The following DISC1 variants were observed in gnomAD, a reference collection of about 807,000 sequenced individuals.
The protein encoded by DISC1 is disrupted in schizophrenia 1 protein.
A neutral mutation model predicts 84.5 loss-of-function variants in DISC1; 57 were observed. That is an observed-to-expected ratio of 0.67 (90% CI 0.55 to 0.84). DISC1 has a LOEUF of 0.84. DISC1 is among the 40% of genes least tolerant of loss of function. DISC1 has a pLI of 0.00. For missense variants in DISC1, 1,000 were observed against 1,057.8 expected (o/e 0.95, Z 0.76); for synonymous variants, 411 against 415.2 (o/e 0.99, Z 0.12).
Position 231,698,209 on chromosome 1 carries a change from A to T in DISC1, c.1047+3404A>T, listed in dbSNP as rs1446102731. On this transcript the variant is annotated intron_variant, in intron 2 of 12. Transcript: ENST00000439617. The surrounding 1 kb of genome is among the most constrained non-coding windows in gnomAD (Gnocchi z 4.9). ...AGGGGTTCACAGGAACCTACCCTGTATTTCTCTTAGGAGCAATGCTTCATT... is the reference window on the plus strand; with the variant it reads ...AGGGGTTCACAGGAACCTACCCTGTTTTTCTCTTAGGAGCAATGCTTCATT... Among the ~76,000 whole-genome samples, 1 of 152,232 alleles carries T rather than the reference A, an allele frequency of 6.6e-6. No individual in the cohort carries two copies. The highest frequency in any genetic ancestry group is 6.5e-5 in the Admixed American group (1 of 15,288).
chr1:231,697,505 T>G (rs1382743924), intron 2 of DISC1, among the ~76,000 whole-genome samples: 1 of 152,028 alleles, frequency 6.6e-6, no homozygotes, highest in Non-Finnish European at 1.5e-5. Flanking sequence ...AGTGGTGTGA[T>G]CATAACTCAC....
At chr1:231,839,160 T>G (rs1169903707) in intron 9 of DISC1, among the ~76,000 whole-genome samples, 1 of 152,038 alleles carries the variant, frequency 6.6e-6, no homozygotes, top group African/African-American at 2.4e-5. Context: ...TAGTGTTGTT[T>G]TAGGGAAGAG....
At chr1:232,027,409 C>G (rs1343254861) in intron 12 of DISC1, among the ~76,000 whole-genome samples, 1 of 152,198 alleles carries the variant, frequency 6.6e-6, no homozygotes, top group African/African-American at 2.4e-5. Context: ...ACTTAATATC[C>G]TTGGTGTCAC....
At chr1:231,704,410 C>T (rs1422438351) in intron 3 of DISC1, among the ~76,000 whole-genome samples, 1 of 152,122 alleles carries the variant, frequency 6.6e-6, no homozygotes, top group African/African-American at 2.4e-5. Context: ...TATACAACAG[C>T]ACTTCTCAGA....
chr1:231,737,314 A>G (rs1460990034), intron 3 of DISC1, among the ~76,000 whole-genome samples: 1 of 152,226 alleles, frequency 6.6e-6, no homozygotes, highest in African/African-American at 2.4e-5. Context: ...TTTTATTTCT[A>G]CTATTCAGCC....
intron 10 of DISC1, among the ~76,000 whole-genome samples, chr1:232,001,344 G>A (rs998498632): frequency 3.3e-5 from 5 of 152,052 alleles, no homozygotes; most frequent in Non-Finnish European, 7.4e-5. Context: ...CTCCCAAAGT[G>A]CTGGGATTAC....
rs183312967 is a variant in DISC1, at chr1:231,802,618, T to A, written c.1792+2408T>A. On this transcript the variant is annotated intron_variant, in intron 8 of 12. Coordinates refer to ENST00000439617, the MANE Select transcript of DISC1 (RefSeq NM_018662.3). The stretch of plus-strand genomic sequence containing the variant: ...AGAGAGTAGGAATAACAAATTAGTT[T>A]CATTTTCAAACCTGGCCAGATCTAG... Among the ~76,000 whole-genome samples, 40 of 152,312 alleles carry A rather than the reference T, an allele frequency of 2.6e-4. No homozygotes were observed. In the East Asian group the frequency reaches 7.4e-3, roughly 28 times the overall value.
At chr1:231,627,044 C>T in intron 1 of DISC1, 110 bp downstream of exon 1, 1 of 716,800 alleles carries the variant, frequency 1.4e-6, no homozygotes, top group Non-Finnish European at 2.1e-6. Flanking sequence ...CTGTTAACAA[C>T]CCCTTTCGAG....
At chr1:231,715,619 C>T (rs974765039) in intron 3 of DISC1, among the ~76,000 whole-genome samples, 2 of 152,268 alleles carry the variant, frequency 1.3e-5, no homozygotes, top group East Asian at 1.9e-4. Flanking sequence ...ACTGATTGGA[C>T]CACATTTTCT....
rs146504051 is a variant in DISC1 at position 231,664,205 on chromosome 1, C to T, written c.68-29621C>T. Among the ~76,000 whole-genome samples the T allele has an allele frequency of 5.7e-4, 87 of 152,252 alleles. 1 individual carries two copies. Among genetic ancestry groups the T allele is most frequent in the African/African-American group, 1.9e-3 (80 of 41,554 alleles). ...ATTTGCCAAAATTACCCAACTCACA[C>T]ATGAAAGAGTCAAGGTTTGAACCTA... On this transcript the variant is annotated intron_variant, in intron 1 of 12. Transcript: ENST00000439617.
chr1:231,950,206 G>C (rs1047092190), intron 9 of DISC1, among the ~76,000 whole-genome samples: 10 of 88,318 alleles, frequency 1.1e-4, no homozygotes, highest in African/African-American at 1.9e-4. Flanking sequence ...AAAAAATTCT[G>C]TGTGTGTGTG....
intron 8 of DISC1, among the ~76,000 whole-genome samples, chr1:231,811,429 G>A (rs1465529387): frequency 6.6e-6 from 1 of 152,216 alleles, no homozygotes; most frequent in Non-Finnish European, 1.5e-5. Context: ...GTGCACTTGA[G>A]CTTGCAGTTC....
intron 10 of DISC1, among the ~76,000 whole-genome samples, chr1:232,001,511 T>C (rs534803096): frequency 6.6e-6 from 1 of 152,280 alleles, no homozygotes; most frequent in South Asian, 2.1e-4. Flanking sequence ...GCAATTATTA[T>C]GCAAAATATA....
intron 3 of DISC1, among the ~76,000 whole-genome samples, chr1:231,735,426 C>A (rs780120508): frequency 1.3e-5 from 2 of 151,878 alleles, no homozygotes; most frequent in Admixed American, 1.3e-4. Context: ...AAGAGGTGGA[C>A]GTGGTGGAAA....
At chr1:231,760,534 CTG>C (rs1306924916) in intron 4 of DISC1, among the ~76,000 whole-genome samples, 1 of 152,206 alleles carries the variant, frequency 6.6e-6, no homozygotes, top group Non-Finnish European at 1.5e-5. Context: ...ATTTTTCTAA[CTG>C]TGATGATGAG....
At chr1:232,014,205 A>G (rs187753304) in intron 11 of DISC1, among the ~76,000 whole-genome samples, 9 of 152,348 alleles carry the variant, frequency 5.9e-5, no homozygotes, top group Admixed American at 6.5e-5. Flanking sequence ...CTCTTCAGCC[A>G]TAATGGGTGC....
chr1:231,691,201 C>A (rs543512161), intron 1 of DISC1, among the ~76,000 whole-genome samples: 2 of 151,976 alleles, frequency 1.3e-5, no homozygotes, highest in African/African-American at 2.4e-5. Flanking sequence ...GAGGCCTAGG[C>A]GGGGGGATCA....
chr1:231,934,329 C>T (rs2090853397), intron 9 of DISC1, among the ~76,000 whole-genome samples: 1 of 152,176 alleles, frequency 6.6e-6, no homozygotes, highest in African/African-American at 2.4e-5. Flanking sequence ...AGTCTCAGCT[C>T]CTCAGCATTG....
rs556196950 is a variant in DISC1, at chr1:231,925,083, G to A, written c.1982-33745G>A. Among the ~76,000 whole-genome samples the A allele has an allele frequency of 6.6e-5, 10 of 151,898 alleles. No individual in the cohort carries two copies. The East Asian group carries it at 1.6e-3, about 24-fold the overall frequency. ...AAGGTGATTCTGCACTTAGAGGTTC[G>A]TGTTTATGGTGCTACTGAGGGACTG... is the stretch of plus-strand genomic sequence containing the variant. On this transcript the variant is annotated intron_variant, in intron 9 of 12. Coordinates refer to ENST00000439617, the MANE Select transcript of DISC1 (RefSeq NM_018662.3).
Sources: allele counts gnomAD v4.1 joint callset (sites outside exome capture counted in the v4.1 genomes callset), GRCh38; gene constraint gnomAD v4.1.1; non-coding constraint Gnocchi (gnomAD v3.1); transcripts MANE v1.5; gene names NCBI Gene and HGNC (gene_info 2026-07-23, HGNC 2026-07-21).